MINAR1: variants seen among roughly 807,000 people sequenced by gnomAD.
The protein encoded by MINAR1 is major intrinsically disordered Notch2-binding receptor 1.
Under a neutral mutation model 65.1 loss-of-function variants are expected in MINAR1, and 40 were observed. The observed-to-expected ratio is 0.61, with a 90% CI of 0.48 to 0.80. The LOEUF is 0.80. Ranked by LOEUF, MINAR1 falls within the 30% of genes least tolerant of loss-of-function variation. The probability of loss-of-function intolerance (pLI) is 0.00; values close to 1 mark genes in which losing one functional copy is unlikely to be tolerated. For synonymous variants in MINAR1, 482 were observed against 449.1 expected (o/e 1.07, Z -0.93); for missense variants, 1,128 against 1,148.0 (o/e 0.98, Z 0.25).
At chr15:79,463,782 T>C in intron 3 of MINAR1, 1 of 456,806 alleles carries the variant, frequency 2.2e-6, no homozygotes, top group South Asian at 1.6e-5. Context: ...CCCCGGAAGC[T>C]CTGTGAATGC....
chr15:79,447,297 T>G (rs549673690), intron 1 of MINAR1, among the ~76,000 whole-genome samples: 80 of 152,352 alleles, frequency 5.3e-4, no homozygotes, highest in African/African-American at 1.8e-3. Flanking sequence ...AATATGCTAT[T>G]TAATGCCACT....
intron 3 of MINAR1, among the ~76,000 whole-genome samples, chr15:79,466,073 G>A (rs1288627663): frequency 6.6e-6 from 1 of 152,166 alleles, no homozygotes; most frequent in Non-Finnish European, 1.5e-5. Context: ...AGGCTGAAGG[G>A]TTGGACAGAG....
upstream of MINAR1, among the ~76,000 whole-genome samples, chr15:79,430,241 G>A (rs1375131037): frequency 2.6e-5 from 4 of 152,140 alleles, no homozygotes; most frequent in Non-Finnish European, 5.9e-5. Flanking sequence ...GCTGAACTAA[G>A]GGAGGGAAAA....
rs1252456746 is a variant in MINAR1, at chr15:79,457,483, C to T, written c.1336C>T (p.Leu446=). Residue 446 remains leucine (L), a synonymous_variant, in exon 2 of 4, where the codon CTG becomes TTG. Transcript: ENST00000305428. ...TAAAGAGATCTCATCCCCTGTTGAC[C>T]TGGAGAAGCATGAACCAGTCAAAAA... The part of the protein sequence containing the change: ...KSKEISSPVD[L]EKHEPVKKFK... 3.1e-6 allele frequency: 5 copies of T among 1,614,048 alleles called. No individual in the cohort carries two copies. The highest frequency in any genetic ancestry group is 1.3e-5 in the African/African-American group (1 of 74,928).
intron 1 of MINAR1, among the ~76,000 whole-genome samples, chr15:79,441,445 T>G (rs1482828904): frequency 2.0e-5 from 3 of 152,216 alleles, no homozygotes; most frequent in African/African-American, 4.8e-5. Context: ...ATCATACGGA[T>G]GCACTGCAAT....
intron 1 of MINAR1, among the ~76,000 whole-genome samples, chr15:79,440,663 C>A (rs756729766): frequency 6.6e-6 from 1 of 152,130 alleles, no homozygotes; most frequent in African/African-American, 2.4e-5. Flanking sequence ...CCCCTTCCCC[C>A]GCTCCTCCCC....
In MINAR1 at chr15:79,471,768, T is replaced by G. The variant is rs975401255; in HGVS notation, c.*3384T>G. The G allele has an allele frequency of 1.3e-5, 2 of 152,432 alleles. No individual in the cohort carries two copies. The highest frequency in any genetic ancestry group is 1.3e-4 in the Admixed American group (2 of 15,260). The allele number at this position is 152,432 out of a possible 1,614,324, so 9.4% of individuals were successfully genotyped here. Reference sequence around the variant, plus strand: ...AAGAAGCTCTGCCAACAATAAAAGATTTTGTTAAGTGGTATAAAAATTTGT... The same window carrying G: ...AAGAAGCTCTGCCAACAATAAAAGAGTTTGTTAAGTGGTATAAAAATTTGT... On this transcript the variant is annotated 3_prime_UTR_variant, in exon 4 of 4. Coordinates refer to ENST00000305428, the MANE Select transcript of MINAR1 (RefSeq NM_015206.3).
At chr15:79,466,474 C>T (rs1895860316) in intron 3 of MINAR1, among the ~76,000 whole-genome samples, 1 of 152,116 alleles carries the variant, frequency 6.6e-6, no homozygotes, top group Non-Finnish European at 1.5e-5. Flanking sequence ...TATTTTTGGA[C>T]ACTGAGATTT....
upstream of MINAR1, among the ~76,000 whole-genome samples, chr15:79,430,390 C>T (rs1459448145): frequency 3.9e-5 from 6 of 152,210 alleles, no homozygotes; most frequent in East Asian, 1.9e-4. Context: ...GCAGATCCCA[C>T]GCAGCTTCCT....
chr15:79,468,151 T>C (rs1317967651), intron 3 of MINAR1, 36 bp from the exon 4 acceptor site: 1 of 1,556,404 alleles, frequency 6.4e-7, no homozygotes, highest in Non-Finnish European at 8.8e-7. Context: ...ATTTCAAGTA[T>C]TCACTGTATT....
chr15:79,432,912 A>T (rs888548827), intron 1 of MINAR1, among the ~76,000 whole-genome samples: 1 of 152,214 alleles, frequency 6.6e-6, no homozygotes, highest in East Asian at 1.9e-4. Context: ...TATGTGAGCT[A>T]TCTGTGCAAA....
intron 1 of MINAR1, among the ~76,000 whole-genome samples, chr15:79,444,612 T>C (rs1017888064): frequency 6.6e-6 from 1 of 152,122 alleles, no homozygotes; most frequent in African/African-American, 2.4e-5. Flanking sequence ...TTTATAGTTT[T>C]GATATGTAGT....
At chr15:79,448,745 A>G (rs1895094140) in intron 1 of MINAR1, among the ~76,000 whole-genome samples, 1 of 152,190 alleles carries the variant, frequency 6.6e-6, no homozygotes, top group African/African-American at 2.4e-5. Flanking sequence ...GGTATATGTC[A>G]TTCATTTTGG....
chr15:79,448,603 G>C (rs1193954451), intron 1 of MINAR1, among the ~76,000 whole-genome samples: 2 of 152,198 alleles, frequency 1.3e-5, no homozygotes, highest in Non-Finnish European at 2.9e-5. Flanking sequence ...GCTTTCGTGA[G>C]CGTGAAATGA....
Position 79,468,204 on chromosome 15 carries a change from C to T in MINAR1, c.2571C>T (p.Asn857=). ...GCTTTTAGACGCAAGAATCTTTAAA[C>T]CCAAATAATTTAGAGTACTGGATGG... ...ALDLQTQESL[N]PNNLEYWMED... The change falls in exon 4 of 4, where the codon AAC becomes AAT. Residue 857 remains asparagine (N), a synonymous_variant. Transcript: ENST00000305428. The T allele has an allele frequency of 1.2e-6, 2 of 1,613,786 alleles. No homozygotes were observed. Among genetic ancestry groups the T allele is most frequent in the Non-Finnish European group, 1.7e-6 (2 of 1,179,784 alleles).
At chr15:79,447,792 G>A (rs894105718) in intron 1 of MINAR1, among the ~76,000 whole-genome samples, 12 of 152,124 alleles carry the variant, frequency 7.9e-5, no homozygotes, top group Admixed American at 7.9e-4. Flanking sequence ...CCATTTCTAA[G>A]GGGTAATTTT....
the MINAR1 span, chr15:79,418,239 A>T: frequency 2.0e-5 from 3 of 152,384 alleles, no homozygotes; most frequent in East Asian, 5.8e-4. Flanking sequence ...AAATTTAAAG[A>T]TCATCTTGCC....
At chr15:79,432,902 T>C (rs1018356357) in intron 1 of MINAR1, among the ~76,000 whole-genome samples, 2 of 152,188 alleles carry the variant, frequency 1.3e-5, no homozygotes, top group African/African-American at 2.4e-5. Context: ...GAGGGTTAAA[T>C]ATGTGAGCTA....
the MINAR1 span, chr15:79,416,034 A>G: frequency 6.6e-6 from 1 of 152,250 alleles, no homozygotes; most frequent in African/African-American, 2.4e-5. Flanking sequence ...ATGGTAATAC[A>G]CAGTATATGA....
Sources: gnomAD v4.1 joint callset for allele counts (sites outside exome capture counted in the v4.1 genomes callset) on GRCh38, gnomAD v4.1.1 for gene constraint, MANE v1.5 for transcripts, NCBI Gene and HGNC (gene_info 2026-07-23, HGNC 2026-07-21) for gene names.